DNAJB1: variants seen among roughly 807,000 people sequenced by gnomAD.
DNAJB1 encodes the protein dnaJ homolog subfamily B member 1.
In DNAJB1, 14 loss-of-function variants were observed where a neutral mutation model predicts 24.0. That is an observed-to-expected ratio of 0.58 (90% confidence interval 0.39 to 0.91). The LOEUF (loss-of-function observed/expected upper bound fraction) is 0.91. Among genes scored for constraint, DNAJB1 ranks in the 40% least tolerant of loss-of-function variants. DNAJB1 has a pLI of 0.00. For synonymous variants in DNAJB1, 262 were observed against 174.4 expected (o/e 1.50, Z -3.96); for missense variants, 517 against 458.1 (o/e 1.13, Z -1.17).
At chr19:14,516,252 A>G in intron 2 of DNAJB1, 82 bp from the exon 3 acceptor site, 1 of 1,489,094 alleles carries the variant, frequency 6.7e-7, no homozygotes, top group Admixed American at 2.0e-5. Flanking sequence ...GCCATAGATA[A>G]GACCCATCAG....
chr19:14,544,318 C>T (rs2073228648), intron 1 of DNAJB1, among the ~76,000 whole-genome samples: 1 of 152,088 alleles, frequency 6.6e-6, no homozygotes, highest in African/African-American at 2.4e-5. Context: ...CCCTGTAACC[C>T]CTGGCCCTGG....
intron 1 of DNAJB1, among the ~76,000 whole-genome samples, chr19:14,557,008 C>T (rs1024030505): frequency 1.3e-5 from 2 of 152,124 alleles, no homozygotes; most frequent in East Asian, 3.8e-4. Flanking sequence ...TGGATGGGCC[C>T]CTTCAAGAGC....
chr19:14,552,680 A>G (rs1276586730), upstream of DNAJB1, among the ~76,000 whole-genome samples: 1 of 150,582 alleles, frequency 6.6e-6, no homozygotes, highest in African/African-American at 2.4e-5. Context: ...GACTACAGGC[A>G]CCCGCCACCA....
intron 1 of DNAJB1, among the ~76,000 whole-genome samples, chr19:14,549,343 G>A (rs1259602895): frequency 6.6e-6 from 1 of 151,138 alleles, no homozygotes; most frequent in Non-Finnish European, 1.5e-5. Flanking sequence ...CTCCCAAGGA[G>A]CTGGGACTAC....
At chr19:14,554,867 C>A (rs1178824212), upstream of DNAJB1, among the ~76,000 whole-genome samples, 2 of 152,070 alleles carry the variant, frequency 1.3e-5, no homozygotes, top group Non-Finnish European at 2.9e-5. Context: ...CAACCTCCGC[C>A]TCCTGGGTTC....
chr19:14,548,144 T>A (rs12463081), intron 1 of DNAJB1, among the ~76,000 whole-genome samples: 28,980 of 151,312 alleles, frequency 0.19, 3,320 homozygotes, highest in South Asian at 0.42. Flanking sequence ...TTGTATTTTT[T>A]GTAGAGATGG....
chr19:14,526,588 T>C (rs2072429358), intron 2 of DNAJB1, among the ~76,000 whole-genome samples: 1 of 152,134 alleles, frequency 6.6e-6, no homozygotes, highest in Non-Finnish European at 1.5e-5. Context: ...CGCAGCATAG[T>C]AGGTGCATGA....
In DNAJB1 at chr19:14,516,108, G is replaced by A. The variant is rs941823539; in HGVS notation, c.855C>T (p.Phe285=). The change falls in exon 3 of 3, where the codon TTC becomes TTT. Residue 285 remains phenylalanine, a synonymous_variant. Coordinates refer to ENST00000254322, the MANE Select transcript of DNAJB1 (RefSeq NM_006145.3). ...GCATGCCAGGCCTGATAACATCTTT[G>A]AATACGACGGGTATCGTCCTGCCGT... The part of the protein sequence containing the change: ...TLDGRTIPVV[F]KDVIRPGMRR... 6 of 1,613,682 alleles carry A rather than the reference G, an allele frequency of 3.7e-6. No homozygotes were observed. The highest frequency in any genetic ancestry group is 4.2e-6 in the Non-Finnish European group (5 of 1,179,954).
At chr19:14,541,429 T>TG (rs1403139055) in intron 1 of DNAJB1, among the ~76,000 whole-genome samples, 5 of 152,260 alleles carry the variant, frequency 3.3e-5, no homozygotes, top group African/African-American at 1.2e-4. Flanking sequence ...GCACAGGTTG[T>TG]GGGCAGGTCC....
intron 1 of DNAJB1, among the ~76,000 whole-genome samples, chr19:14,528,029 G>A (rs2146537504): frequency 6.7e-6 from 1 of 149,312 alleles, no homozygotes; most frequent in South Asian, 2.1e-4. Flanking sequence ...GATTACAGGT[G>A]CCCACCATTA....
At chr19:14,559,802 T>G (rs1218372825) in intron 1 of DNAJB1, among the ~76,000 whole-genome samples, 2 of 150,056 alleles carry the variant, frequency 1.3e-5, no homozygotes, top group African/African-American at 2.5e-5. Context: ...AAAAAAAAAA[T>G]TATAGAGACA....
intron 1 of DNAJB1, among the ~76,000 whole-genome samples, chr19:14,542,297 A>G (rs989371954): frequency 1.7e-5 from 2 of 118,320 alleles, no homozygotes; most frequent in Admixed American, 1.8e-4. Flanking sequence ...AAGATTCCCT[A>G]TTGGAGGGCA....
chr19:14,555,954 C>T (rs1452361257), intron 1 of DNAJB1, among the ~76,000 whole-genome samples: 1 of 152,182 alleles, frequency 6.6e-6, no homozygotes, highest in African/African-American at 2.4e-5. Context: ...GTCTGTTCCA[C>T]CCAGCAGTGG....
chr19:14,538,250 G>A (rs1246673681), intron 1 of DNAJB1, among the ~76,000 whole-genome samples: 2 of 152,150 alleles, frequency 1.3e-5, no homozygotes, highest in African/African-American at 4.8e-5. Flanking sequence ...AAAGAATCAA[G>A]TGTGTGGTGG....
chr19:14,529,925 T>TG (rs2072559612), upstream of DNAJB1: 5 of 678,212 alleles, frequency 7.4e-6, no homozygotes, highest in South Asian at 7.4e-5. Flanking sequence ...CAGGCTGTTT[T>TG]GGGGGTACTT....
rs760777348 is a variant in DNAJB1, at chr19:14,516,088, C to T, written c.875G>A (p.Gly292Asp). Residue 292 changes from glycine (G) to aspartate (D), a missense_variant, in exon 3 of 3, where the codon GGC (glycine) becomes GAC (aspartate). Coordinates refer to ENST00000254322, the MANE Select transcript of DNAJB1 (RefSeq NM_006145.3). The part of the protein sequence containing the change: ...PVVFKDVIRP[G>D]MRRKVPGEGL... ...TTCTCCAGGAACTTTTCGCCGCATG[C>T]CAGGCCTGATAACATCTTTGAATAC... is the stretch of plus-strand genomic sequence containing the variant. 2 of 1,613,808 alleles carry T rather than the reference C, an allele frequency of 1.2e-6. No individual in the cohort carries two copies. The highest frequency in any genetic ancestry group is 2.2e-5 in the East Asian group (1 of 44,892).
At chr19:14,516,353 T>G in intron 2 of DNAJB1, 113 bp downstream of exon 2, 1 of 1,318,114 alleles carries the variant, frequency 7.6e-7, no homozygotes, top group Non-Finnish European at 1.0e-6. Context: ...TTCACTGTTG[T>G]GCCCCAAGCC....
upstream of DNAJB1, chr19:14,529,836 A>C: frequency 7.1e-7 from 1 of 1,399,398 alleles, no homozygotes; most frequent in Non-Finnish European, 1.0e-6. Context: ...GCGCAGGCGC[A>C]GTGGGCAAGC....
At chr19:14,543,062 A>C (rs1419760969) in intron 1 of DNAJB1, among the ~76,000 whole-genome samples, 2 of 65,834 alleles carry the variant, frequency 3.0e-5, no homozygotes, top group African/African-American at 6.0e-5. Context: ...GCTTGTCCTC[A>C]GGGTGGGGTG....
Sources: gnomAD v4.1 joint callset for allele counts (sites outside exome capture counted in the v4.1 genomes callset) on GRCh38, gnomAD v4.1.1 for gene constraint, MANE v1.5 for transcripts, NCBI Gene and HGNC (gene_info 2026-07-23, HGNC 2026-07-21) for gene names.